The following INPP4B variants were observed in gnomAD, a reference collection of about 807,000 sequenced individuals.
INPP4B encodes the protein inositol polyphosphate 4-phosphatase type II.
INPP4B carries 55 observed loss-of-function variants against 122.5 expected under a neutral mutation model. That is an observed-to-expected ratio of 0.45 (90% CI 0.36 to 0.56). The LOEUF (loss-of-function observed/expected upper bound fraction) is 0.56, where lower values mean the gene tolerates loss of function less well. INPP4B is among the 20% of genes least tolerant of loss of function. INPP4B has a pLI of 0.00. For missense variants in INPP4B, 1,000 were observed against 1,097.7 expected (o/e 0.91, Z 1.26); for synonymous variants, 403 against 388.7 (o/e 1.04, Z -0.43).
intron 16 of INPP4B, among the ~76,000 whole-genome samples, chr4:142,163,373 T>G (rs886239023): frequency 1.3e-5 from 2 of 151,868 alleles, no homozygotes. Flanking sequence ...GTCACTTAGG[T>G]GCCATCTGGG....
At chr4:142,838,496 G>A (rs1199917013) in intron 1 of INPP4B, among the ~76,000 whole-genome samples, 1 of 151,792 alleles carries the variant, frequency 6.6e-6, no homozygotes, top group Non-Finnish European at 1.5e-5. Flanking sequence ...GATATGAATA[G>A]CATGAATAAA....
intron 9 of INPP4B, among the ~76,000 whole-genome samples, chr4:142,272,723 A>G (rs1746471607): frequency 6.6e-6 from 1 of 152,030 alleles, no homozygotes; most frequent in Admixed American, 6.6e-5. Flanking sequence ...ATGTTTCTGT[A>G]TAATTCTTCA....
chr4:142,282,139 T>TA (rs1370102197), intron 9 of INPP4B, among the ~76,000 whole-genome samples: 1 of 152,114 alleles, frequency 6.6e-6, no homozygotes, highest in Non-Finnish European at 1.5e-5. Context: ...TTGGGGCTGC[T>TA]ACTTTGTTTT....
At chr4:142,705,334 AGACT>A (rs1349030211) in intron 2 of INPP4B, among the ~76,000 whole-genome samples, 3 of 152,128 alleles carry the variant, frequency 2.0e-5, no homozygotes, top group Non-Finnish European at 2.9e-5. Context: ...CATCTCCCAC[AGACT>A]GACTCTCCTT....
At chr4:142,552,101 A>C (rs569583592) in intron 2 of INPP4B, among the ~76,000 whole-genome samples, 1 of 152,324 alleles carries the variant, frequency 6.6e-6, no homozygotes, top group South Asian at 2.1e-4. Context: ...AAAGCTGTGG[A>C]AAGTACTCTG....
At chr4:142,176,153 T>TATTATA (rs1176230014) in intron 15 of INPP4B, among the ~76,000 whole-genome samples, 2 of 145,592 alleles carry the variant, frequency 1.4e-5, no homozygotes, top group Admixed American at 6.9e-5. Context: ...TTATTATTAT[T>TATTATA]ATACTTTAAG....
intron 25 of INPP4B, among the ~76,000 whole-genome samples, chr4:142,073,840 C>G (rs1461812076): frequency 1.3e-5 from 2 of 152,060 alleles, no homozygotes; most frequent in African/African-American, 4.8e-5. Context: ...CTGCCTGCAT[C>G]TCAGCCTTCT....
chr4:142,043,169 T>C (rs1749210672), intron 25 of INPP4B, among the ~76,000 whole-genome samples: 1 of 152,178 alleles, frequency 6.6e-6, no homozygotes, highest in Admixed American at 6.5e-5. Context: ...TAACTAACTT[T>C]TCTCTTTAAT....
rs78954149 is a variant in INPP4B at position 142,839,155 on chromosome 4, G to A, written c.-254+7054C>T. Reference sequence around the variant, plus strand: ...GTCTGCTATATCTACAATGTCTGCCGCTTATAAAAGTAAAACTTTGGCTGG... The same window carrying A: ...GTCTGCTATATCTACAATGTCTGCCACTTATAAAAGTAAAACTTTGGCTGG... On this transcript the variant is annotated intron_variant, in intron 1 of 25. Coordinates refer to ENST00000262992, the MANE Select transcript of INPP4B (RefSeq NM_001101669.3). Among the ~76,000 whole-genome samples, 1,118 of 152,212 alleles carry A rather than the reference G, an allele frequency of 7.3e-3. 21 individuals are homozygous for A. The highest frequency in any genetic ancestry group is 0.026 in the African/African-American group (1,075 of 41,522).
intron 1 of INPP4B, among the ~76,000 whole-genome samples, chr4:142,743,905 C>T (rs1012067810): frequency 6.6e-6 from 1 of 151,612 alleles, no homozygotes; most frequent in Non-Finnish European, 1.5e-5. Flanking sequence ...ACTTATATTA[C>T]CAGATTACTA....
chr4:142,752,915 A>C (rs535606674), intron 1 of INPP4B, among the ~76,000 whole-genome samples: 2 of 152,236 alleles, frequency 1.3e-5, no homozygotes, highest in African/African-American at 4.8e-5. Context: ...TCAATGACCC[A>C]GGAAGCACTT....
At chr4:142,395,555 T>C (rs1434439831) in intron 7 of INPP4B, among the ~76,000 whole-genome samples, 1 of 152,184 alleles carries the variant, frequency 6.6e-6, no homozygotes, top group Non-Finnish European at 1.5e-5. Context: ...ATCTCACTTT[T>C]GGGTATTTAT....
chr4:142,477,115 A>G (rs1219676786), intron 2 of INPP4B, among the ~76,000 whole-genome samples: 1 of 152,206 alleles, frequency 6.6e-6, no homozygotes, highest in Non-Finnish European at 1.5e-5. Flanking sequence ...CCACTGCACA[A>G]TAAAAATAGA....
chr4:142,113,920 A>G (rs1791557924), intron 21 of INPP4B, among the ~76,000 whole-genome samples: 1 of 151,674 alleles, frequency 6.6e-6, no homozygotes, highest in Non-Finnish European at 1.5e-5. Context: ...GTACATTTCC[A>G]TCAACTTAAA....
At chr4:142,772,040 T>C (rs779168486) in intron 1 of INPP4B, among the ~76,000 whole-genome samples, 164 of 152,134 alleles carry the variant, frequency 1.1e-3, no homozygotes, top group Admixed American at 2.0e-3. Flanking sequence ...TCTCTGATCA[T>C]GTTAAGTTTG....
At chr4:142,299,890 T>A (rs1201780135) in intron 9 of INPP4B, among the ~76,000 whole-genome samples, 1 of 152,146 alleles carries the variant, frequency 6.6e-6, no homozygotes, top group African/African-American at 2.4e-5. Flanking sequence ...GATATGATTT[T>A]TTAAAGTCAT....
At chr4:142,827,054 C>A (rs2151170843) in intron 1 of INPP4B, among the ~76,000 whole-genome samples, 1 of 152,272 alleles carries the variant, frequency 6.6e-6, no homozygotes, top group East Asian at 1.9e-4. Context: ...CCATACTGTG[C>A]CTAATAGTCA....
intron 7 of INPP4B, among the ~76,000 whole-genome samples, chr4:142,349,803 G>T (rs1190427740): frequency 6.6e-6 from 1 of 151,310 alleles, no homozygotes; most frequent in African/African-American, 2.4e-5. Context: ...GAGCTTATTT[G>T]TCAGCTATAG....
intron 11 of INPP4B, among the ~76,000 whole-genome samples, chr4:142,255,625 A>G (rs1164996011): frequency 6.6e-6 from 1 of 152,218 alleles, no homozygotes; most frequent in Non-Finnish European, 1.5e-5. Flanking sequence ...ACATAATGGT[A>G]AATGGATCAA....
Sources: gnomAD v4.1 joint callset for allele counts (sites outside exome capture counted in the v4.1 genomes callset) on GRCh38, gnomAD v4.1.1 for gene constraint, MANE v1.5 for transcripts, NCBI Gene and HGNC (gene_info 2026-07-23, HGNC 2026-07-21) for gene names.